HIVEP1: variants seen among roughly 807,000 people sequenced by gnomAD.
The protein encoded by HIVEP1 is zinc finger protein 40.
In HIVEP1, 36 loss-of-function variants were observed where a neutral mutation model predicts 180.0. The observed-to-expected ratio is 0.20, with a 90% CI of 0.15 to 0.26. The LOEUF (loss-of-function observed/expected upper bound fraction) is 0.26. Ranked by LOEUF, HIVEP1 falls within the 10% of genes least tolerant of loss-of-function variation. The pLI is 1.00. For synonymous variants in HIVEP1, 1,239 were observed against 1,239.0 expected, an observed-to-expected ratio of 1.00 and a Z score of 0.00; for missense variants, 3,143 against 3,268.7, an observed-to-expected ratio of 0.96 and a Z score of 0.94.
chr6:12,052,889 C>G (rs1770627978), intron 2 of HIVEP1, among the ~76,000 whole-genome samples: 1 of 152,110 alleles, frequency 6.6e-6, no homozygotes, highest in Non-Finnish European at 1.5e-5. Context: ...TTTAAAAATG[C>G]AGGCTAAAAT....
chr6:12,077,347 G>A (rs968624278), intron 2 of HIVEP1, among the ~76,000 whole-genome samples: 7 of 152,194 alleles, frequency 4.6e-5, no homozygotes, highest in Non-Finnish European at 8.8e-5. Flanking sequence ...CCCTGGTGGC[G>A]ATGCCATTGT....
downstream of HIVEP1, among the ~76,000 whole-genome samples, chr6:12,167,668 A>ATACG (rs1562023739): frequency 2.8e-5 from 1 of 35,230 alleles, no homozygotes; most frequent in African/African-American, 1.7e-4. Flanking sequence ...ATATATACAT[A>ATACG]TATACATATA....
At chr6:12,020,890 C>CTTTCTTTTT (rs536583043) in intron 2 of HIVEP1, among the ~76,000 whole-genome samples, 32 of 105,764 alleles carry the variant, frequency 3.0e-4, no homozygotes, top group African/African-American at 5.4e-4. Flanking sequence ...TTCTTTCTTT[C>CTTTCTTTTT]TTTTTTTTTT....
downstream of HIVEP1, among the ~76,000 whole-genome samples, chr6:12,169,508 TAC>T (rs1213795684): frequency 2.6e-5 from 4 of 152,148 alleles, no homozygotes; most frequent in Admixed American, 2.6e-4. Context: ...AATTAGAAGG[TAC>T]AGTTTCTACC....
chr6:12,111,276 T>C (rs991667816), intron 3 of HIVEP1, among the ~76,000 whole-genome samples: 1 of 152,174 alleles, frequency 6.6e-6, no homozygotes, highest in African/African-American at 2.4e-5. Flanking sequence ...CCATGCAGAG[T>C]TGCCACAAAC....
intron 5 of HIVEP1, 22 bp downstream of exon 5, chr6:12,129,914 T>G (rs1366265447): frequency 6.8e-7 from 1 of 1,477,674 alleles, no homozygotes; most frequent in Non-Finnish European, 9.3e-7. Context: ...TTTTACTTCT[T>G]AAATGTACAT....
upstream of HIVEP1, chr6:12,008,667 G>C (rs1015843948): frequency 6.6e-6 from 1 of 152,054 alleles, no homozygotes; most frequent in African/African-American, 2.4e-5. Context: ...GGTAGAAACC[G>C]ATGGAGGCGG....
intron 2 of HIVEP1, among the ~76,000 whole-genome samples, chr6:12,026,289 T>A (rs912337668): frequency 5.9e-5 from 9 of 152,128 alleles, no homozygotes; most frequent in Admixed American, 3.3e-4. Flanking sequence ...CAAAAAATAA[T>A]TGGAGTGGAG....
At chr6:12,017,864 T>C (rs1183070239) in intron 2 of HIVEP1, among the ~76,000 whole-genome samples, 1 of 152,242 alleles carries the variant, frequency 6.6e-6, no homozygotes, top group African/African-American at 2.4e-5. Flanking sequence ...CCCAGCTGGC[T>C]TCACCCAGTG....
intron 2 of HIVEP1, among the ~76,000 whole-genome samples, chr6:12,074,643 T>TGTGTGTGTATATGTGTGTGC (rs573970756): frequency 6.8e-6 from 1 of 148,032 alleles, no homozygotes; most frequent in Admixed American, 6.6e-5. Context: ...TGTGTGTGTG[T>TGTGTGTGTATATGTGTGTGC]GCGCGCGCGT....
At chr6:12,166,559 G>A (rs969127592), downstream of HIVEP1, among the ~76,000 whole-genome samples, 3 of 152,090 alleles carry the variant, frequency 2.0e-5, no homozygotes, top group African/African-American at 7.2e-5. Context: ...GAAATATGCA[G>A]CTCTATAAAA....
rs893634370 is a variant in HIVEP1, at chr6:12,145,557, G to A, written c.6487+9665G>A. 4.0e-5 allele frequency among the ~76,000 whole-genome samples: 6 copies of A among 150,198 alleles called. No homozygotes were observed. The East Asian group carries it at 9.7e-4, about 24-fold the overall frequency. The stretch of plus-strand genomic sequence containing the variant: ...AAGAACGCCCTCTACCAGATACTGT[G>A]AGACTTACGCCACCCTGCCTTCAGC... On this transcript the variant is annotated intron_variant, in intron 7 of 8. Coordinates refer to ENST00000379388, the MANE Select transcript of HIVEP1 (RefSeq NM_002114.4).
chr6:12,038,237 G>A (rs1486734058), intron 2 of HIVEP1: 1 of 152,540 alleles, frequency 6.6e-6, no homozygotes, highest in African/African-American at 2.4e-5. Context: ...TTTATCAACT[G>A]TAATTTTTAA....
the HIVEP1 span, among the ~76,000 whole-genome samples, chr6:12,186,547 T>TAAA: frequency 0.011 from 1,600 of 140,706 alleles, 16 homozygotes; most frequent in African/African-American, 0.022. Context: ...ATCAAATTGT[T>TAAA]AAAAAAAAAA....
downstream of HIVEP1, among the ~76,000 whole-genome samples, chr6:12,168,009 CATGT>C (rs1562024226): frequency 9.9e-5 from 9 of 90,656 alleles, no homozygotes; most frequent in African/African-American, 3.7e-4. Flanking sequence ...ATTATATATA[CATGT>C]ACATGTATAT....
intron 6 of HIVEP1, among the ~76,000 whole-genome samples, chr6:12,135,068 C>A (rs981064744): frequency 6.6e-6 from 1 of 152,144 alleles, no homozygotes; most frequent in Non-Finnish European, 1.5e-5. Flanking sequence ...TTATGGGAAT[C>A]GAGGCCAGAT....
the HIVEP1 span, among the ~76,000 whole-genome samples, chr6:12,200,079 GATA>G: frequency 6.6e-6 from 1 of 152,168 alleles, no homozygotes; most frequent in Non-Finnish European, 1.5e-5. Flanking sequence ...GTCAAACTGA[GATA>G]GAAGGCAGGA....
In HIVEP1 at chr6:12,164,341, G is replaced by A; in HGVS notation, c.8037G>A (p.Gln2679=). Residue 2679 remains glutamine (Q), a synonymous_variant, in exon 9 of 9, where the codon CAG becomes CAA. Transcript: ENST00000379388. ...SEVFTKPSGQ[Q]TLSPDRQVPR... ...TTTTTACAAAGCCCTCAGGCCAGCAGACTCTCTCTCCAGACAGACAGGTTC... is the reference window on the plus strand; with the variant it reads ...TTTTTACAAAGCCCTCAGGCCAGCAAACTCTCTCTCCAGACAGACAGGTTC... The A allele has an allele frequency of 6.2e-7, 1 of 1,614,090 alleles. No homozygotes were observed. Among genetic ancestry groups the A allele is most frequent in the African/African-American group, 1.3e-5 (1 of 75,058 alleles).
At chr6:12,013,984 C>G (rs566377036) in intron 1 of HIVEP1, among the ~76,000 whole-genome samples, 3 of 152,218 alleles carry the variant, frequency 2.0e-5, no homozygotes, top group African/African-American at 7.2e-5. Flanking sequence ...AAACCTTATA[C>G]TGGGATGTTA....
Sources: allele counts gnomAD v4.1 joint callset (sites outside exome capture counted in the v4.1 genomes callset), GRCh38; gene constraint gnomAD v4.1.1; transcripts MANE v1.5; gene names NCBI Gene and HGNC (gene_info 2026-07-23, HGNC 2026-07-21).